Variants in MRPS9 observed in about 807,000 individuals in gnomAD.
MRPS9 encodes the protein small ribosomal subunit protein uS9m.
Under a neutral mutation model 59.9 loss-of-function variants are expected in MRPS9, and 45 were observed. That is an observed-to-expected ratio of 0.75 (90% CI 0.59 to 0.96). MRPS9 has a LOEUF of 0.96. Among genes scored for constraint, MRPS9 ranks in the 40% least tolerant of loss-of-function variants. MRPS9 has a pLI of 0.00. For missense variants in MRPS9, 473 were observed against 481.1 expected (o/e 0.98, Z 0.16); for synonymous variants, 171 against 166.8 (o/e 1.03, Z -0.19).
chr2:105,059,145 C>T (rs1347964486), intron 2 of MRPS9, among the ~76,000 whole-genome samples: 1 of 148,594 alleles, frequency 6.7e-6, no homozygotes, highest in African/African-American at 2.5e-5. Flanking sequence ...TAAAGTGTAA[C>T]GTTAGTTTGA....
rs894493692 is a variant in MRPS9, at chr2:105,097,003, A to G, written c.930-152A>G. ...AAATGTCAGAAATGTTAGTGTTTCT[A>G]TATCTTGGTAAAATGGATTGATTGA... On this transcript the variant is annotated intron_variant, in intron 9 of 10. Transcript: ENST00000258455. 177 of 698,740 alleles carry G rather than the reference A, an allele frequency of 2.5e-4. 1 individual carries two copies. The highest frequency in any genetic ancestry group is 4.7e-5 in the Non-Finnish European group (23 of 485,800). 43.3% of individuals were successfully genotyped at this position (698,740 alleles called of 1,614,324 possible). A position where few individuals can be genotyped will look rare whatever the true frequency, so the allele number is the denominator to read the frequency against.
intron 9 of MRPS9, among the ~76,000 whole-genome samples, chr2:105,096,485 G>T (rs1680662402): frequency 1.3e-5 from 2 of 152,024 alleles, no homozygotes; most frequent in African/African-American, 4.8e-5. Flanking sequence ...TTTGTCTGTG[G>T]TGCCTGCCCC....
intron 1 of MRPS9, among the ~76,000 whole-genome samples, chr2:105,048,069 C>T (rs1275742615): frequency 6.6e-6 from 1 of 151,966 alleles, no homozygotes; most frequent in African/African-American, 2.4e-5. Flanking sequence ...TATTGCGGCA[C>T]TATTCACAAT....
At chr2:105,096,855 T>C (rs1325592419) in intron 9 of MRPS9, among the ~76,000 whole-genome samples, 1 of 152,158 alleles carries the variant, frequency 6.6e-6, no homozygotes, top group African/African-American at 2.4e-5. Flanking sequence ...GTAAGACTTC[T>C]TTACGAGATT....
At position 105,080,080 on chromosome 2, in the gene MRPS9, A is replaced by T. The variant is rs150844408; in HGVS notation, c.489+18A>T. 6.6e-7 allele frequency: 1 copy of T among 1,518,878 alleles called. No homozygotes were observed. The highest frequency in any genetic ancestry group is 1.2e-5 in the South Asian group (1 of 85,470). The allele number at this position is 1,518,878 out of a possible 1,614,324, so 94.1% of individuals were successfully genotyped here. A position where few individuals can be genotyped will look rare whatever the true frequency, so the allele number is the denominator to read the frequency against. ...TAATGCATGTAAGTATATTGCATTT[A>T]TGATAAATAATATGAGCTGTAAGCT... is the stretch of plus-strand genomic sequence containing the variant. On this transcript the variant is annotated intron_variant, in intron 5 of 10. Coordinates refer to ENST00000258455, the MANE Select transcript of MRPS9 (RefSeq NM_182640.3).
intron 2 of MRPS9, among the ~76,000 whole-genome samples, chr2:105,061,563 GAC>G (rs1679904793): frequency 6.6e-6 from 1 of 152,152 alleles, no homozygotes; most frequent in Non-Finnish European, 1.5e-5. Context: ...ATGTTTTTCT[GAC>G]ACACAGAATT....
chr2:105,085,024 T>G (rs1558761310), intron 5 of MRPS9, among the ~76,000 whole-genome samples: 1 of 152,212 alleles, frequency 6.6e-6, no homozygotes, highest in Non-Finnish European at 1.5e-5. Context: ...GTCTGAGTTA[T>G]AAGAACTTTC....
chr2:105,099,855 G>T lies in MRPS9; in HGVS notation c.*94G>T, dbSNP rs372634089. 3.5e-4 allele frequency: 343 copies of T among 990,724 alleles called. 2 individuals carry two copies. In the East Asian group the frequency reaches 7.5e-3, roughly 22 times the overall value. 61.4% of individuals were successfully genotyped at this position (990,724 alleles called of 1,614,324 possible). On this transcript the variant is annotated 3_prime_UTR_variant, in exon 11 of 11. Transcript: ENST00000258455. ...ATAATGGCTGACCAGCATGAGGGCA[G>T]TACTGTCAGAAATTTCTTTGAGCTG... is the stretch of plus-strand genomic sequence containing the variant.
Position 105,093,627 on chromosome 2 carries a change from C to T in MRPS9, c.918C>T (p.Ile306=), listed in dbSNP as rs749752192. 6 of 1,591,080 alleles carry T rather than the reference C, an allele frequency of 3.8e-6. No homozygotes were observed. The highest frequency in any genetic ancestry group is 1.7e-6 in the Non-Finnish European group (2 of 1,166,076). ...NGIDYQLYFP[I]TQDREQLMFP... ...TTGATTACCAGCTTTACTTCCCGAT[C>T]ACACAGGACAGGTTCGTTTTGGGTT... The change falls in exon 9 of 11, where the codon ATC becomes ATT. Residue 306 remains isoleucine, a synonymous_variant. Coordinates refer to ENST00000258455, the MANE Select transcript of MRPS9 (RefSeq NM_182640.3).
chr2:105,070,350 A>G (rs938262590), intron 2 of MRPS9, among the ~76,000 whole-genome samples: 5 of 152,286 alleles, frequency 3.3e-5, no homozygotes, highest in African/African-American at 9.6e-5. Context: ...CAGAGACACA[A>G]TTAGGCTCCC....
intron 5 of MRPS9, among the ~76,000 whole-genome samples, chr2:105,086,649 CAT>C (rs1226139054): frequency 6.6e-6 from 1 of 152,194 alleles, no homozygotes; most frequent in Non-Finnish European, 1.5e-5. Flanking sequence ...CTTTTAAGTT[CAT>C]ATATTCTTCG....
chr2:105,072,810 T>C (rs944940048), intron 4 of MRPS9, among the ~76,000 whole-genome samples: 1 of 152,160 alleles, frequency 6.6e-6, no homozygotes, highest in African/African-American at 2.4e-5. Flanking sequence ...CAGTTCACTC[T>C]TGGAAATGAT....
intron 4 of MRPS9, among the ~76,000 whole-genome samples, chr2:105,077,314 A>G (rs982486918): frequency 9.2e-5 from 14 of 152,186 alleles, no homozygotes; most frequent in African/African-American, 3.4e-4. Flanking sequence ...TATCACAATC[A>G]TCAGGTTGGA....
chr2:105,089,102 A>G (rs376992061), intron 6 of MRPS9, 33 bp downstream of exon 6: 1 of 1,528,500 alleles, frequency 6.5e-7, no homozygotes, highest in Non-Finnish European at 9.0e-7. Flanking sequence ...AATATAAGTA[A>G]AATTTGAACT....
At chr2:105,069,854 A>C (rs1025425252) in intron 2 of MRPS9, among the ~76,000 whole-genome samples, 120 of 152,034 alleles carry the variant, frequency 7.9e-4, no homozygotes, top group African/African-American at 2.8e-3. Context: ...TCTACAAAAA[A>C]AAAAAAAAAT....
intron 4 of MRPS9, among the ~76,000 whole-genome samples, chr2:105,074,989 T>C (rs1485235002): frequency 1.3e-5 from 2 of 152,174 alleles, no homozygotes; most frequent in African/African-American, 4.8e-5. Flanking sequence ...CTCACCGTAA[T>C]GTAGAATCAG....
intron 1 of MRPS9, among the ~76,000 whole-genome samples, chr2:105,045,200 A>G (rs531058676): frequency 1.3e-5 from 2 of 152,296 alleles, no homozygotes; most frequent in African/African-American, 2.4e-5. Flanking sequence ...GTAAGAATTC[A>G]TTGGATATTT....
chr2:105,051,007 A>T lies in MRPS9; in HGVS notation c.315+1657A>T, dbSNP rs78340444. 9.8e-3 allele frequency among the ~76,000 whole-genome samples: 1,498 copies of T among 152,150 alleles called. 24 individuals carry two copies. The highest frequency in any genetic ancestry group is 0.035 in the African/African-American group (1,433 of 41,518). ...CAGTCATCAGTTGATGGGCATTTGG[A>T]TTTCCATTTTTAGTTCTGATGAATA... On this transcript the variant is annotated intron_variant, in intron 2 of 10. Coordinates refer to ENST00000258455, the MANE Select transcript of MRPS9 (RefSeq NM_182640.3).
At chr2:105,080,712 C>A (rs1680312202) in intron 5 of MRPS9, among the ~76,000 whole-genome samples, 1 of 152,120 alleles carries the variant, frequency 6.6e-6, no homozygotes, top group African/African-American at 2.4e-5. Context: ...AACATGATAT[C>A]AAGTTCTATT....
Sources: allele counts gnomAD v4.1 joint callset (sites outside exome capture counted in the v4.1 genomes callset), GRCh38; gene constraint gnomAD v4.1.1; transcripts MANE v1.5; gene names NCBI Gene and HGNC (gene_info 2026-07-23, HGNC 2026-07-21).